The following RABL6 variants were observed in gnomAD, a reference collection of about 807,000 sequenced individuals.
RABL6 encodes the protein rab-like protein 6.
RABL6 carries 28 observed loss-of-function variants against 72.9 expected under a neutral mutation model. That is an observed-to-expected ratio of 0.38 (90% CI 0.28 to 0.53). The LOEUF is 0.53. RABL6 is among the 20% of genes least tolerant of loss of function. The pLI is 0.80. For missense variants in RABL6, 1,029 were observed against 1,008.4 expected (o/e 1.02, Z -0.28); for synonymous variants, 477 against 421.2 (o/e 1.13, Z -1.62).
intron 1 of RABL6, among the ~76,000 whole-genome samples, chr9:136,817,151 G>A (rs907873589): frequency 7.4e-6 from 1 of 134,876 alleles, no homozygotes; most frequent in Non-Finnish European, 1.5e-5. Flanking sequence ...AGCAGGAGAA[G>A]CAGCACGAGA....
At position 136,832,252 on chromosome 9, in the gene RABL6, T is replaced by C; in HGVS notation, c.600-13T>C. 1 of 1,610,826 alleles carries C rather than the reference T, an allele frequency of 6.2e-7. No homozygotes were observed. Among genetic ancestry groups the C allele is most frequent in the South Asian group, 1.1e-5 (1 of 90,998 alleles). Reference sequence around the variant, plus strand: ...GGTCTTTCTCTTGCATCTTTTTTCCTTTCTGAAAGCAGACCTCCAGGTTCC... The same window carrying C: ...GGTCTTTCTCTTGCATCTTTTTTCCCTTCTGAAAGCAGACCTCCAGGTTCC... On this transcript the variant is annotated splice_polypyrimidine_tract_variant and intron_variant, in intron 6 of 14. Coordinates refer to ENST00000311502, the MANE Select transcript of RABL6 (RefSeq NM_024718.5).
chr9:136,838,921 C>T lies in RABL6; in HGVS notation c.1293C>T (p.Ala431=). The T allele has an allele frequency of 1.9e-6, 3 of 1,596,356 alleles. No individual in the cohort carries two copies. The highest frequency in any genetic ancestry group is 2.3e-5 in the East Asian group (1 of 44,420). ...AQQDSDSDGE[A]LGGNPMVAGF... ...CCCTGCTTTGCAGTGATGGGGAGGCCCTGGGCGGCAACCCGATGGTGGCAG... is the reference window on the plus strand; with the variant it reads ...CCCTGCTTTGCAGTGATGGGGAGGCTCTGGGCGGCAACCCGATGGTGGCAG... The change falls in exon 11 of 15, where the codon GCC becomes GCT. Residue 431 remains alanine (A), a synonymous_variant. Transcript: ENST00000311502.
At chr9:136,809,033 C>G (rs1486666769) in intron 1 of RABL6, 2 of 152,336 alleles carry the variant, frequency 1.3e-5, no homozygotes, top group South Asian at 4.1e-4. Context: ...ATGAGTTTTT[C>G]CATCTTGCGG....
At chr9:136,815,372 A>G in intron 1 of RABL6, 1 of 277,474 alleles carries the variant, frequency 3.6e-6, no homozygotes, top group South Asian at 4.0e-5. Context: ...GGGTTGCAGC[A>G]GCCTTCTTGC....
intron 5 of RABL6, among the ~76,000 whole-genome samples, chr9:136,830,631 C>T (rs1012975227): frequency 3.3e-5 from 5 of 152,266 alleles, no homozygotes; most frequent in East Asian, 3.8e-4. Context: ...TTTTCCCAAG[C>T]GAAGTTGAGT....
chr9:136,835,981 G>T (rs968368114), intron 8 of RABL6, 136 bp downstream of exon 8: 1 of 796,210 alleles, frequency 1.3e-6, no homozygotes, highest in Non-Finnish European at 2.0e-6. Context: ...CTTTGGGCAC[G>T]GGTGGAGGAG....
intron 2 of RABL6, 121 bp from the exon 3 acceptor site, chr9:136,825,658 C>G: frequency 9.3e-7 from 1 of 1,080,464 alleles, no homozygotes; most frequent in Non-Finnish European, 1.4e-6. Context: ...CTTCTGGACA[C>G]TCGGAAGTCC....
At chr9:136,809,898 C>A (rs1012417906) in intron 1 of RABL6, 10 of 155,344 alleles carry the variant, frequency 6.4e-5, no homozygotes, top group African/African-American at 2.4e-4. Context: ...CTCCTCTGTC[C>A]AGGAGCTCCC....
chr9:136,813,971 C>T (rs534985245), intron 1 of RABL6: 9 of 385,596 alleles, frequency 2.3e-5, no homozygotes, highest in South Asian at 1.9e-4. Flanking sequence ...AGATTTGTAG[C>T]CAAAAGTATT....
Position 136,840,596 on chromosome 9 carries a change from C to T in RABL6, c.*74C>T, listed in dbSNP as rs925998808. The T allele has an allele frequency of 4.5e-5, 69 of 1,549,326 alleles. No individual in the cohort carries two copies. The highest frequency in any genetic ancestry group is 5.9e-5 in the Admixed American group (3 of 50,972). ...GCCTGGGGAGGCATTTGCCTCTGTA[C>T]CATCGCCTTTGCCGCTGCCCCGTGG... is the stretch of plus-strand genomic sequence containing the variant. On this transcript the variant is annotated 3_prime_UTR_variant, in exon 15 of 15. Coordinates refer to ENST00000311502, the MANE Select transcript of RABL6 (RefSeq NM_024718.5).
At chr9:136,816,709 T>A (rs1423517636) in intron 1 of RABL6, among the ~76,000 whole-genome samples, 2 of 131,360 alleles carry the variant, frequency 1.5e-5, no homozygotes, top group African/African-American at 5.6e-5. Flanking sequence ...AGAGTGAGAC[T>A]CTGTCTCAAA....
At chr9:136,838,377 CAG>C (rs765615242) in intron 10 of RABL6, among the ~76,000 whole-genome samples, 8 of 152,218 alleles carry the variant, frequency 5.3e-5, no homozygotes, top group South Asian at 2.1e-4. Flanking sequence ...GCTGCAGAGA[CAG>C]GGGCGGCTTC....
At chr9:136,821,763 C>T in intron 1 of RABL6, 4 of 1,155,472 alleles carry the variant, frequency 3.5e-6, no homozygotes, top group East Asian at 8.5e-5. Context: ...GGCTGGAGGG[C>T]GCTGCAGGCG....
chr9:136,818,483 C>T (rs1293577035), intron 1 of RABL6, among the ~76,000 whole-genome samples: 1 of 149,828 alleles, frequency 6.7e-6, no homozygotes, highest in Non-Finnish European at 1.5e-5. Context: ...GTGGCTCACA[C>T]CTGTAATCCC....
chr9:136,817,059 C>G (rs1200738501), intron 1 of RABL6, among the ~76,000 whole-genome samples: 1 of 152,130 alleles, frequency 6.6e-6, no homozygotes, highest in African/African-American at 2.4e-5. Flanking sequence ...AAACCATGAG[C>G]AGACAGTTTA....
intron 1 of RABL6, 51 bp downstream of exon 1, chr9:136,808,377 C>T: frequency 7.1e-7 from 1 of 1,413,912 alleles, no homozygotes; most frequent in Non-Finnish European, 9.2e-7. Context: ...GGTCTCCGAA[C>T]CCAGGCCCCG....
chr9:136,840,717 G>C lies in RABL6; in HGVS notation c.*195G>C, dbSNP rs926445785. ...GGGCCTTCAGGCCCAGTGTGAGCCT[G>C]CTCTGCAAGAAGGGAGGGGACAGCT... On this transcript the variant is annotated 3_prime_UTR_variant, in exon 15 of 15. Coordinates refer to ENST00000311502, the MANE Select transcript of RABL6 (RefSeq NM_024718.5). 7 of 1,548,578 alleles carry C rather than the reference G, an allele frequency of 4.5e-6. No individual in the cohort carries two copies. The African/African-American group carries it at 9.6e-5, about 21-fold the overall frequency.
intron 1 of RABL6, among the ~76,000 whole-genome samples, chr9:136,816,397 G>A (rs1049496688): frequency 2.6e-5 from 4 of 151,596 alleles, no homozygotes; most frequent in African/African-American, 7.3e-5. Context: ...GAGCCACTGC[G>A]ACCAGCCTAA....
intron 2 of RABL6, among the ~76,000 whole-genome samples, chr9:136,824,301 T>C (rs891898096): frequency 6.6e-6 from 1 of 150,648 alleles, no homozygotes; most frequent in Non-Finnish European, 1.5e-5. Context: ...TGTTTGTTTG[T>C]TCGTTTGTTT....
Sources: gnomAD v4.1 joint callset for allele counts (sites outside exome capture counted in the v4.1 genomes callset) on GRCh38, gnomAD v4.1.1 for gene constraint, MANE v1.5 for transcripts, NCBI Gene and HGNC (gene_info 2026-07-23, HGNC 2026-07-21) for gene names.